Variants in ATP2B2 observed in about 807,000 individuals in gnomAD.
ATP2B2 encodes the protein plasma membrane calcium-transporting ATPase 2.
ATP2B2 carries 15 observed loss-of-function variants against 120.0 expected under a neutral mutation model. That is an observed-to-expected ratio of 0.12 (90% CI 0.08 to 0.19). The LOEUF (loss-of-function observed/expected upper bound fraction) is 0.19, where lower values mean the gene tolerates loss of function less well. Among genes scored for constraint, ATP2B2 ranks in the 10% least tolerant of loss-of-function variants. The pLI is 1.00. For synonymous variants in ATP2B2, 694 were observed against 700.3 expected (o/e 0.99, Z 0.14); for missense variants, 1,045 against 1,719.8 (o/e 0.61, Z 6.94).
At chr3:10,431,536 C>T (rs752220308) in intron 2 of ATP2B2, among the ~76,000 whole-genome samples, 1 of 152,106 alleles carries the variant, frequency 6.6e-6, no homozygotes, top group African/African-American at 2.4e-5. Flanking sequence ...TTTGCCTTAT[C>T]GCAGTGGTCT....
intron 2 of ATP2B2, among the ~76,000 whole-genome samples, chr3:10,587,336 G>GTA (rs57544696): frequency 0.33 from 49,994 of 151,024 alleles, 8,404 homozygotes; most frequent in East Asian, 0.56. Flanking sequence ...CAATATATAT[G>GTA]TATATATATA....
intron 2 of ATP2B2, among the ~76,000 whole-genome samples, chr3:10,431,955 T>C (rs779988598): frequency 1.1e-4 from 17 of 152,336 alleles, no homozygotes; most frequent in Admixed American, 1.3e-4. Flanking sequence ...AATGAAAGCA[T>C]GGTAGAAGAA....
intron 2 of ATP2B2, among the ~76,000 whole-genome samples, chr3:10,542,982 A>G (rs1443798938): frequency 6.6e-6 from 1 of 152,068 alleles, no homozygotes; most frequent in Non-Finnish European, 1.5e-5. Flanking sequence ...CGAGTGTTAA[A>G]TCTTTTGTTA....
intron 2 of ATP2B2, among the ~76,000 whole-genome samples, chr3:10,411,771 C>T (rs948493964): frequency 3.3e-5 from 5 of 152,192 alleles, no homozygotes; most frequent in Admixed American, 6.5e-5. Context: ...ACCGTGGATG[C>T]CTTGCAACGT....
At chr3:10,506,425 A>G (rs2066628889), upstream of ATP2B2, among the ~76,000 whole-genome samples, 1 of 151,990 alleles carries the variant, frequency 6.6e-6, no homozygotes, top group African/African-American at 2.4e-5. Flanking sequence ...GGGCTGACTG[A>G]CACTTCCACG....
At chr3:10,689,726 G>A (rs1025666579) in intron 1 of ATP2B2, among the ~76,000 whole-genome samples, 4 of 152,204 alleles carry the variant, frequency 2.6e-5, no homozygotes, top group Non-Finnish European at 5.9e-5. Flanking sequence ...GGCCTCGTTT[G>A]GTTGCCGGGA....
chr3:10,597,080 CACACAG>C (rs2068786385), intron 2 of ATP2B2, among the ~76,000 whole-genome samples: 2 of 150,416 alleles, frequency 1.3e-5, no homozygotes, highest in African/African-American at 4.9e-5. Flanking sequence ...CACACACACA[CACACAG>C]GCACACAGGC....
Position 10,537,890 on chromosome 3 carries a change from A to T in ATP2B2, c.-414-3757T>A, listed in dbSNP as rs117160907. Among the ~76,000 whole-genome samples the T allele has an allele frequency of 2.0e-5, 3 of 152,264 alleles. No homozygotes were observed. In the East Asian group the frequency reaches 5.8e-4, roughly 29 times the overall value. ...TGTTGAATTTGCTTTTCCTACATTG[A>T]TGGATACCATCATGTGATTTTCTTC... On this transcript the variant is annotated intron_variant, in intron 2 of 21. Transcript: ENST00000646379.
chr3:10,340,469 T>G lies in ATP2B2; in HGVS notation c.3129+24A>C, dbSNP rs761449878. 7.4e-6 allele frequency: 12 copies of G among 1,614,036 alleles called. No individual in the cohort carries two copies. Among genetic ancestry groups the G allele is most frequent in the Non-Finnish European group, 8.5e-6 (10 of 1,179,896 alleles). ...AGCCGCTTGCTGCCCACCCCGGGCC[T>G]GGTTAGGGTGGGGGCCTCACTACCT... On this transcript the variant is annotated intron_variant, in intron 20 of 22. Transcript: ENST00000360273. The surrounding 1 kb of genome is among the most constrained non-coding windows in gnomAD (Gnocchi z 5.0).
At chr3:10,521,458 G>A (rs1305175167) in intron 3 of ATP2B2, among the ~76,000 whole-genome samples, 1 of 152,238 alleles carries the variant, frequency 6.6e-6, no homozygotes, top group African/African-American at 2.4e-5. Context: ...GATAATGTCG[G>A]TGATTATGGA....
In ATP2B2 at chr3:10,340,646, T is replaced by C; in HGVS notation, c.2976A>G (p.Ser992=). 1 of 1,614,238 alleles carries C rather than the reference T, an allele frequency of 6.2e-7. No individual in the cohort carries two copies. Among genetic ancestry groups the C allele is most frequent in the Non-Finnish European group, 8.5e-7 (1 of 1,180,042 alleles). The change falls in exon 20 of 23, where the codon TCA becomes TCG. Residue 992 remains serine, a synonymous_variant. Transcript: ENST00000360273. This position sits in a 1 kb window ranked among gnomAD's most constrained non-coding sequence, Gnocchi z 5.0. ...TGTTGAAGATGATGGTGTAATGTTCTGAGGGTGGCGAATGCAGGGGCGCGT... is the reference window on the plus strand; with the variant it reads ...TGTTGAAGATGATGGTGTAATGTTCCGAGGGTGGCGAATGCAGGGGCGCGT... ...GRNAPLHSPP[S]EHYTIIFNTF... is the part of the protein sequence containing the mutation.
At chr3:10,493,905 G>C (rs1239551390) in intron 1 of ATP2B2, among the ~76,000 whole-genome samples, 1 of 152,182 alleles carries the variant, frequency 6.6e-6, no homozygotes, top group African/African-American at 2.4e-5. Context: ...TGGGGAAAAG[G>C]GTCAGTGTGA....
intron 2 of ATP2B2, among the ~76,000 whole-genome samples, chr3:10,612,853 C>T (rs1018222289): frequency 5.9e-5 from 9 of 152,176 alleles, no homozygotes; most frequent in African/African-American, 1.9e-4. Flanking sequence ...GACAGGCTTT[C>T]ATCCCTGGTT....
chr3:10,632,877 C>T lies in ATP2B2; in HGVS notation c.-459-12916G>A, dbSNP rs564723095. ...TGGAACTGCTGCTTATCCCTGTTCC[C>T]CTGGTGGCTGTCCTGCTCTCCTCCT... On this transcript the variant is annotated intron_variant, in intron 1 of 21. Coordinates refer to the ATP2B2 transcript ENST00000646379. Among the ~76,000 whole-genome samples the T allele has an allele frequency of 1.8e-3, 277 of 152,332 alleles. 3 individuals carry two copies. Among genetic ancestry groups the T allele is most frequent in the African/African-American group, 6.4e-3 (268 of 41,564 alleles).
rs181814244 is a variant in ATP2B2 at position 10,383,593 on chromosome 3, A to G, written c.1000+1675T>C. 1.2e-4 allele frequency among the ~76,000 whole-genome samples: 18 copies of G among 152,336 alleles called. No homozygotes were observed. The East Asian group carries it at 3.5e-3, about 29-fold the overall frequency. ...CCAGCCAGGTCTGGGTTCTGGGTTC[A>G]AATCCCAGCTCTGCTACTTTCTAGC... On this transcript the variant is annotated intron_variant, in intron 8 of 22. Transcript: ENST00000360273.
intron 2 of ATP2B2, among the ~76,000 whole-genome samples, chr3:10,608,298 C>T (rs1222933469): frequency 6.6e-6 from 1 of 152,264 alleles, no homozygotes; most frequent in African/African-American, 2.4e-5. Flanking sequence ...GTGGCTTGTG[C>T]CTGTAGTCCC....
intron 1 of ATP2B2, among the ~76,000 whole-genome samples, chr3:10,699,616 G>A (rs77159360): frequency 6.6e-6 from 1 of 151,870 alleles, no homozygotes; most frequent in Non-Finnish European, 1.5e-5. Flanking sequence ...CTCTATAATT[G>A]GGGGATGTGA....
chr3:10,588,890 A>G (rs897574142), intron 2 of ATP2B2, among the ~76,000 whole-genome samples: 5 of 152,248 alleles, frequency 3.3e-5, no homozygotes, highest in Non-Finnish European at 5.9e-5. Flanking sequence ...ATTTAAGTCC[A>G]TCTGGATTCA....
rs768217763 is a variant in ATP2B2, at chr3:10,340,564, G to A, written c.3058C>T (p.Arg1020Cys). The A allele has an allele frequency of 1.2e-5, 20 of 1,614,118 alleles. No homozygotes were observed. The highest frequency in any genetic ancestry group is 1.6e-5 in the Non-Finnish European group (19 of 1,180,050). ...EINARKIHGE[R>C]NVFDGIFRNP... ...CGGAAGATGCCGTCAAAGACATTGC[G>A]CTCGCCGTGGATCTTGCGGGCGTTG... is the stretch of plus-strand genomic sequence containing the variant. The change falls in exon 20 of 23, where the codon CGC becomes TGC. Residue 1020 changes from arginine to cysteine, a missense_variant. This residue lies in a region of ATP2B2 where 211 missense variants were observed against 385.1 expected (regional missense o/e 0.55). Coordinates refer to ENST00000360273, the MANE Select transcript of ATP2B2 (RefSeq NM_001001331.4). This position sits in a 1 kb window ranked among gnomAD's most constrained non-coding sequence, Gnocchi z 5.0.
Sources: allele counts gnomAD v4.1 joint callset (sites outside exome capture counted in the v4.1 genomes callset), GRCh38; gene constraint gnomAD v4.1.1; regional missense constraint gnomAD v4.1.1; non-coding constraint Gnocchi (gnomAD v3.1); transcripts MANE v1.5; gene names NCBI Gene and HGNC (gene_info 2026-07-23, HGNC 2026-07-21).